TXN: variants seen among roughly 807,000 people sequenced by gnomAD.
TXN encodes ADF.
TXN carries 10 observed loss-of-function variants against 16.5 expected under a neutral mutation model. The observed-to-expected ratio is 0.61, with a 90% CI of 0.37 to 1.03. TXN has a LOEUF of 1.03. Ranked by LOEUF, TXN falls within the 50% of genes least tolerant of loss-of-function variation. The probability of loss-of-function intolerance (pLI) is 0.01; values close to 1 mark genes in which losing one functional copy is unlikely to be tolerated. For synonymous variants in TXN, 35 were observed against 39.4 expected (o/e 0.89, Z 0.42); for missense variants, 71 against 122.5 (o/e 0.58, Z 1.98).
chr9:110,245,652 ATATTTTTT>A (rs1837647387), intron 3 of TXN, among the ~76,000 whole-genome samples: 3 of 23,674 alleles, frequency 1.3e-4, no homozygotes, highest in Non-Finnish European at 1.4e-4. Flanking sequence ...ATATATATAT[ATATTTTTT>A]TTTTTTTTTT....
intron 3 of TXN, among the ~76,000 whole-genome samples, chr9:110,245,567 A>T (rs1472176080): frequency 8.6e-5 from 11 of 128,370 alleles, no homozygotes; most frequent in African/African-American, 3.3e-4. Context: ...ACGCCACCAC[A>T]CCTGGCTAAT....
intron 3 of TXN, among the ~76,000 whole-genome samples, chr9:110,245,448 C>G (rs1340327956): frequency 6.7e-6 from 1 of 150,252 alleles, no homozygotes. Context: ...CTGTGTCACC[C>G]AGGCTGGATG....
chr9:110,244,225 A>C lies in TXN; in HGVS notation c.256-6T>G. ...GCTCCAGAAAATTCACCCACCTGTT[A>C]AGAGAATATTGAATTGACATTAGAC... On this transcript the variant is annotated splice_region_variant and splice_polypyrimidine_tract_variant and intron_variant, in intron 4 of 4. Transcript: ENST00000374517. The C allele has an allele frequency of 6.4e-7, 1 of 1,553,674 alleles. No homozygotes were observed. Among genetic ancestry groups the C allele is most frequent in the Non-Finnish European group, 8.7e-7 (1 of 1,148,512 alleles).
Position 110,256,507 on chromosome 9 carries a change from C to G in TXN, c.-72G>C. 2 of 1,518,732 alleles carry G rather than the reference C, an allele frequency of 1.3e-6. No individual in the cohort carries two copies. Among genetic ancestry groups the G allele is most frequent in the Non-Finnish European group, 1.8e-6 (2 of 1,114,416 alleles). The allele number at this position is 1,518,732 out of a possible 1,614,324, so 94.1% of individuals were successfully genotyped here. A position where few individuals can be genotyped will look rare whatever the true frequency, so the allele number is the denominator to read the frequency against. On this transcript the variant is annotated 5_prime_UTR_variant, in exon 1 of 5. Coordinates refer to ENST00000374517, the MANE Select transcript of TXN (RefSeq NM_003329.4). The surrounding 1 kb of genome is among the most constrained non-coding windows in gnomAD (Gnocchi z 4.2). ...GGATCCAAAGCACCAAACAGAGCTTCAAGACTCGCTGCTTGCTCTCTCCCT... is the reference window on the plus strand; with the variant it reads ...GGATCCAAAGCACCAAACAGAGCTTGAAGACTCGCTGCTTGCTCTCTCCCT...
At chr9:110,254,039 G>GT (rs1837774221) in intron 1 of TXN, among the ~76,000 whole-genome samples, 1 of 152,018 alleles carries the variant, frequency 6.6e-6, no homozygotes, top group African/African-American at 2.4e-5. Context: ...TAAATGGTAG[G>GT]TGTCATTTTT....
chr9:110,247,647 ACTTT>A (rs1437391506), intron 3 of TXN, among the ~76,000 whole-genome samples: 2 of 152,204 alleles, frequency 1.3e-5, no homozygotes, highest in Non-Finnish European at 2.9e-5. Context: ...TTGTTCCTTT[ACTTT>A]CTTAATAAAC....
At chr9:110,245,622 A>AC (rs1564367350) in intron 3 of TXN, among the ~76,000 whole-genome samples, 31 of 19,070 alleles carry the variant, frequency 1.6e-3, no homozygotes, top group East Asian at 4.4e-3. Context: ...CACACACTAT[A>AC]TATATATATA....
At chr9:110,246,342 G>A (rs904074637) in intron 3 of TXN, among the ~76,000 whole-genome samples, 5 of 152,136 alleles carry the variant, frequency 3.3e-5, no homozygotes, top group Non-Finnish European at 7.4e-5. Context: ...AAAGGTAATT[G>A]AAGTAACACA....
In TXN at chr9:110,256,270, G is replaced by T; in HGVS notation, c.24+142C>A. 1.1e-6 allele frequency: 1 copy of T among 945,156 alleles called. No homozygotes were observed. The highest frequency in any genetic ancestry group is 1.6e-6 in the Non-Finnish European group (1 of 622,304). The allele number at this position is 945,156 out of a possible 1,614,324, so 58.5% of individuals were successfully genotyped here. On this transcript the variant is annotated intron_variant, in intron 1 of 4. Transcript: ENST00000374517. The surrounding 1 kb of genome is among the most constrained non-coding windows in gnomAD (Gnocchi z 4.2). Reference sequence around the variant, plus strand: ...GCTTCCCGCAGTCCCAGGCCGAGACGCCGCGTCCCTTTCCCCTGGCGATGC... The same window carrying T: ...GCTTCCCGCAGTCCCAGGCCGAGACTCCGCGTCCCTTTCCCCTGGCGATGC...
intron 1 of TXN, among the ~76,000 whole-genome samples, chr9:110,254,561 G>A (rs527323788): frequency 6.6e-6 from 1 of 152,330 alleles, no homozygotes; most frequent in Non-Finnish European, 1.5e-5. Context: ...TCAAATTAGT[G>A]TAACTTTCGA....
At chr9:110,249,924 C>G (rs1837706930) in intron 3 of TXN, among the ~76,000 whole-genome samples, 1 of 152,166 alleles carries the variant, frequency 6.6e-6, no homozygotes, top group African/African-American at 2.4e-5. Flanking sequence ...CTGCACCCTT[C>G]CCCCATCGCC....
chr9:110,250,764 A>C lies in TXN; in HGVS notation c.189+56T>G, dbSNP rs1029976845. The C allele has an allele frequency of 3.9e-6, 5 of 1,294,144 alleles. No homozygotes were observed. In the Admixed American group the frequency reaches 5.8e-5, roughly 15 times the overall value. 80.2% of individuals were successfully genotyped at this position (1,294,144 alleles called of 1,614,324 possible). A position where few individuals can be genotyped will look rare whatever the true frequency, so the allele number is the denominator to read the frequency against. ...TATGGAAAAAAGCACTGTGCAATTC[A>C]GAGAAAAAGGCCAATGTGAAAAGCT... On this transcript the variant is annotated intron_variant, in intron 3 of 4. Coordinates refer to ENST00000374517, the MANE Select transcript of TXN (RefSeq NM_003329.4).
intron 3 of TXN, among the ~76,000 whole-genome samples, chr9:110,248,954 G>T (rs1181729927): frequency 1.3e-5 from 2 of 151,316 alleles, no homozygotes; most frequent in East Asian, 1.9e-4. Context: ...CTCTACTGGG[G>T]TTTTAATTTT....
intron 4 of TXN, 29 bp downstream of exon 4, chr9:110,244,749 T>A: frequency 6.3e-7 from 1 of 1,589,172 alleles, no homozygotes; most frequent in East Asian, 2.2e-5. Context: ...TATTGCCCAG[T>A]TAGAGTTTTA....
At chr9:110,247,607 G>C (rs1837675863) in intron 3 of TXN, among the ~76,000 whole-genome samples, 1 of 152,164 alleles carries the variant, frequency 6.6e-6, no homozygotes. Flanking sequence ...TACCACTACA[G>C]ACTGCTTTAC....
intron 3 of TXN, among the ~76,000 whole-genome samples, chr9:110,247,469 A>G (rs1564368103): frequency 6.6e-6 from 1 of 152,316 alleles, no homozygotes; most frequent in East Asian, 1.9e-4. Flanking sequence ...AACAGATTGC[A>G]TATATGTGGT....
chr9:110,251,258 C>T, intron 2 of TXN, 100 bp downstream of exon 2: 2 of 906,182 alleles, frequency 2.2e-6, no homozygotes, highest in Non-Finnish European at 3.6e-6. Context: ...AATCCCCCCA[C>T]CGAAACCAAA....
chr9:110,246,881 T>C (rs1453750969), intron 3 of TXN, among the ~76,000 whole-genome samples: 1 of 152,214 alleles, frequency 6.6e-6, no homozygotes, highest in Non-Finnish European at 1.5e-5. Context: ...TTACCATTTA[T>C]AAAATAAGTA....
intron 3 of TXN, among the ~76,000 whole-genome samples, chr9:110,248,586 A>T (rs1446489372): frequency 6.6e-6 from 1 of 152,290 alleles, no homozygotes; most frequent in East Asian, 1.9e-4. Context: ...TTTCTCAGAA[A>T]GTATCCTCAT....
Sources: gnomAD v4.1 joint callset for allele counts (sites outside exome capture counted in the v4.1 genomes callset) on GRCh38, gnomAD v4.1.1 for gene constraint, Gnocchi (gnomAD v3.1) non-coding constraint, MANE v1.5 for transcripts, NCBI Gene and HGNC (gene_info 2026-07-23, HGNC 2026-07-21) for gene names.